Variants in LTF observed in about 807,000 individuals in gnomAD.
The protein encoded by LTF is epididymis luminal protein 110.
In LTF, 91 loss-of-function variants were observed where a neutral mutation model predicts 87.2. That is an observed-to-expected ratio of 1.04 (90% CI 0.88 to 1.24). LTF has a LOEUF of 1.24. LTF is among the 50% of genes most tolerant of loss of function. The pLI is 0.00. For synonymous variants in LTF, 378 were observed against 356.1 expected, an observed-to-expected ratio of 1.06 and a Z score of -0.69; for missense variants, 901 against 904.3, an observed-to-expected ratio of 1.00 and a Z score of 0.05.
intron 2 of LTF, among the ~76,000 whole-genome samples, chr3:46,458,473 T>TTTTGTGGC (rs57593486): frequency 0.12 from 18,067 of 152,190 alleles, 1,268 homozygotes; most frequent in Admixed American, 0.21. Context: ...AAAAGGCAGA[T>TTTTGTGGC]TTTGTGGCTT....
intron 1 of LTF, among the ~76,000 whole-genome samples, chr3:46,475,941 T>A (rs994717281): frequency 6.6e-6 from 1 of 152,254 alleles, no homozygotes; most frequent in Non-Finnish European, 1.5e-5. Flanking sequence ...AATGGAATCA[T>A]ATAATATGTA....
chr3:46,459,864 G>C (rs1302284038), intron 1 of LTF, 45 bp from the exon 2 acceptor site: 3 of 1,429,052 alleles, frequency 2.1e-6, no homozygotes, highest in Middle Eastern at 4.9e-4. Context: ...CACTGACTGA[G>C]GGCGTGACCA....
At chr3:46,449,141 T>C in intron 8 of LTF, 124 bp from the exon 9 acceptor site, 1 of 829,400 alleles carries the variant, frequency 1.2e-6, no homozygotes, top group Non-Finnish European at 1.8e-6. Context: ...TGTGTGGACA[T>C]GTGGACCCAT....
intron 11 of LTF, 137 bp from the exon 12 acceptor site, chr3:46,445,573 C>T (rs1575309842): frequency 4.5e-6 from 3 of 662,886 alleles, no homozygotes; most frequent in East Asian, 5.7e-5. Flanking sequence ...AAAGAACTGG[C>T]CTTTTTAGGT....
At chr3:46,442,717 T>C (rs913308857) in intron 13 of LTF, among the ~76,000 whole-genome samples, 1 of 152,196 alleles carries the variant, frequency 6.6e-6, no homozygotes, top group Non-Finnish European at 1.5e-5. Flanking sequence ...AACAAGGCTG[T>C]TGAATTTATA....
At chr3:46,455,546 C>A in intron 4 of LTF, 104 bp from the exon 5 acceptor site, 2 of 1,399,074 alleles carry the variant, frequency 1.4e-6, no homozygotes, top group Non-Finnish European at 9.9e-7. Context: ...CCTTCCTCCA[C>A]CCCTGCAGGA....
At chr3:46,470,611 T>G (rs1464449544) in intron 1 of LTF, 1 of 152,298 alleles carries the variant, frequency 6.6e-6, no homozygotes, top group Admixed American at 6.5e-5. Context: ...GCCCAGCTCC[T>G]CTGACCAGTC....
upstream of LTF, among the ~76,000 whole-genome samples, chr3:46,465,941 A>C (rs902323853): frequency 1.3e-5 from 2 of 152,214 alleles, no homozygotes; most frequent in African/African-American, 4.8e-5. Flanking sequence ...ATGTGAACTT[A>C]GCCCAAGAGT....
rs2373253 is a variant in LTF at position 46,453,982 on chromosome 3, A to G, written c.703+323T>C. On this transcript the variant is annotated intron_variant, in intron 6 of 16. Transcript: ENST00000231751. ...TAGCAGGATTTCTAATGCTCACTAA[A>G]ACCTCTATGAACCCAGAAACCGGAA... 2,968 of 329,266 alleles carry G rather than the reference A, an allele frequency of 9.0e-3. 78 individuals carry two copies. The highest frequency in any genetic ancestry group is 0.056 in the African/African-American group (2,695 of 48,522). 20.4% of individuals were successfully genotyped at this position (329,266 alleles called of 1,614,324 possible).
In LTF at chr3:46,441,899, C is replaced by CAG. The variant is rs71622508; in HGVS notation, c.1656-418_1656-417dup. 5.4e-3 allele frequency: 545 copies of CAG among 101,602 alleles called. 7 individuals carry two copies. The highest frequency in any genetic ancestry group is 8.5e-3 in the Non-Finnish European group (437 of 51,216). 6.3% of individuals were successfully genotyped at this position (101,602 alleles called of 1,614,324 possible). On this transcript the variant is annotated intron_variant, in intron 13 of 16. Coordinates refer to ENST00000231751, the MANE Select transcript of LTF (RefSeq NM_002343.6). ...TAAATGATGAAACTGTGATAGCACC[C>CAG]AGAGAGAGAGAGAGAGAGAGAGAGA...
chr3:46,482,771 A>C (rs1373731482), intron 1 of LTF, among the ~76,000 whole-genome samples: 4 of 139,554 alleles, frequency 2.9e-5, no homozygotes, highest in Non-Finnish European at 6.3e-5. Context: ...GAAAGAAAGA[A>C]AGAAAGAAAA....
rs145613102 is a variant in LTF, at chr3:46,449,923, G to C, written c.988C>G (p.Pro330Ala). 21 of 1,614,170 alleles carry C rather than the reference G, an allele frequency of 1.3e-5. No individual in the cohort carries two copies. Among genetic ancestry groups the C allele is most frequent in the Admixed American group, 5.0e-5 (3 of 60,030 alleles). ...KDSAIGFSRVPPRIDSGLYLG... is the reference protein window; with the variant it reads ...KDSAIGFSRVAPRIDSGLYLG... ...TACAGCCCAGAATCTATCCTCGGGG[G>C]CACCCTCGAAAACCCAATGGCAGAG... The change falls in exon 8 of 17, where the codon CCC (proline) becomes GCC (alanine). Residue 330 changes from proline (P) to alanine (A), a missense_variant. By Grantham distance (27) the Pro-to-Ala change is conservative. Coordinates refer to ENST00000231751, the MANE Select transcript of LTF (RefSeq NM_002343.6).
chr3:46,457,761 TA>T (rs1702973617), intron 2 of LTF, among the ~76,000 whole-genome samples: 1 of 152,194 alleles, frequency 6.6e-6, no homozygotes, highest in South Asian at 2.1e-4. Context: ...TCTATGATTC[TA>T]CATTTTTTCC....
chr3:46,445,547 A>G (rs1193113268), intron 11 of LTF, 111 bp from the exon 12 acceptor site: 2 of 858,990 alleles, frequency 2.3e-6, no homozygotes, highest in East Asian at 5.3e-5. Flanking sequence ...AAGCAACACC[A>G]GGCAATGATT....
intron 4 of LTF, 110 bp downstream of exon 4, chr3:46,455,686 C>G (rs1321195307): frequency 7.5e-7 from 1 of 1,333,090 alleles, no homozygotes; most frequent in Non-Finnish European, 1.0e-6. Context: ...CAGCCTCACC[C>G]CCACCTTGAT....
chr3:46,447,176 C>G (rs1356564693), intron 10 of LTF, 132 bp downstream of exon 10: 2 of 680,110 alleles, frequency 2.9e-6, no homozygotes, highest in African/African-American at 3.5e-5. Context: ...TTCATTTCTT[C>G]TTTCCCTGAT....
intron 3 of LTF, 34 bp from the exon 4 acceptor site, chr3:46,456,012 G>A (rs201065284): frequency 8.5e-6 from 13 of 1,523,840 alleles, no homozygotes; most frequent in Non-Finnish European, 1.1e-5. Flanking sequence ...AAAGTTCTTA[G>A]CCTGGACAAG....
chr3:46,468,033 A>C (rs1703237605), upstream of LTF, among the ~76,000 whole-genome samples: 1 of 152,210 alleles, frequency 6.6e-6, no homozygotes, highest in Admixed American at 6.5e-5. Context: ...AAAGAGCCGC[A>C]GAGGCACCCT....
upstream of LTF, among the ~76,000 whole-genome samples, chr3:46,469,078 G>C (rs1460665452): frequency 6.6e-6 from 1 of 152,210 alleles, no homozygotes; most frequent in Non-Finnish European, 1.5e-5. Context: ...ATATTTGGAT[G>C]ACATTTTAAA....
Sources: gnomAD v4.1 joint callset for allele counts (sites outside exome capture counted in the v4.1 genomes callset) on GRCh38, gnomAD v4.1.1 for gene constraint, MANE v1.5 for transcripts, NCBI Gene and HGNC (gene_info 2026-07-23, HGNC 2026-07-21) for gene names.